The following ENTHD1 variants were observed in gnomAD, a reference collection of about 807,000 sequenced individuals.
ENTHD1 encodes the protein ENTH domain containing 1.
A neutral mutation model predicts 39.1 loss-of-function variants in ENTHD1; 23 were observed. The observed-to-expected ratio is 0.59, with a 90% CI of 0.42 to 0.83. The LOEUF (loss-of-function observed/expected upper bound fraction) is 0.83. Ranked by LOEUF, ENTHD1 falls within the 40% of genes least tolerant of loss-of-function variation. The pLI is 0.00. For missense variants in ENTHD1, 624 were observed against 705.4 expected (o/e 0.88, Z 1.31); for synonymous variants, 230 against 258.2 (o/e 0.89, Z 1.05).
intron 6 of ENTHD1, among the ~76,000 whole-genome samples, chr22:39,754,560 CTTAT>C (rs771475100): frequency 1.2e-4 from 18 of 152,236 alleles, no homozygotes; most frequent in Non-Finnish European, 2.4e-4. Context: ...CTCAATACAT[CTTAT>C]TTATTACAAA....
At chr22:39,868,734 G>A (rs1023391332) in intron 2 of ENTHD1, among the ~76,000 whole-genome samples, 1 of 152,142 alleles carries the variant, frequency 6.6e-6, no homozygotes. Flanking sequence ...TCTGACAAAG[G>A]TCTGATATTC....
intron 5 of ENTHD1, among the ~76,000 whole-genome samples, chr22:39,809,312 C>A (rs2065667820): frequency 6.6e-6 from 1 of 152,142 alleles, no homozygotes; most frequent in Non-Finnish European, 1.5e-5. Flanking sequence ...CTACTCCTTC[C>A]TAAATCAGAC....
At chr22:39,852,739 A>G (rs1369839476) in intron 3 of ENTHD1, among the ~76,000 whole-genome samples, 1 of 152,244 alleles carries the variant, frequency 6.6e-6, no homozygotes, top group African/African-American at 2.4e-5. Flanking sequence ...ATCTAAACAT[A>G]GAAAAGGTAC....
chr22:39,804,086 C>T (rs1028808209), intron 5 of ENTHD1, among the ~76,000 whole-genome samples: 2 of 152,002 alleles, frequency 1.3e-5, no homozygotes, highest in African/African-American at 4.8e-5. Context: ...ATCCCTTGAG[C>T]CTGAGAGGTT....
At position 39,790,582 on chromosome 22, in the gene ENTHD1, A is replaced by G. The variant is rs552716983; in HGVS notation, c.833-24973T>C. ...GACAGTTCTCTCCTACATAACTCAC[A>G]TCTGTGCAGCCCTTGCTTTGACCAG... On this transcript the variant is annotated intron_variant, in intron 5 of 6. Transcript: ENST00000325157. Among the ~76,000 whole-genome samples the G allele has an allele frequency of 2.0e-5, 3 of 152,286 alleles. No individual in the cohort carries two copies. The South Asian group carries it at 6.2e-4, about 32-fold the overall frequency.
At chr22:39,837,173 T>A (rs921378280) in intron 3 of ENTHD1, among the ~76,000 whole-genome samples, 1 of 152,190 alleles carries the variant, frequency 6.6e-6, no homozygotes, top group African/African-American at 2.4e-5. Context: ...TATCTCAGCA[T>A]ATCATTGGGC....
chr22:39,875,710 G>A (rs1784947207), intron 2 of ENTHD1: 10 of 1,612,410 alleles, frequency 6.2e-6, no homozygotes, highest in Non-Finnish European at 8.5e-6. Context: ...TTTCCAGCAT[G>A]AGTGCTTCTG....
chr22:39,748,266 AG>A (rs2065122288), intron 6 of ENTHD1, among the ~76,000 whole-genome samples: 2 of 151,554 alleles, frequency 1.3e-5, no homozygotes, highest in Admixed American at 6.6e-5. Context: ...AAAAAAAAAA[AG>A]ATTCTAGGAC....
chr22:39,811,911 G>A (rs1161447543), intron 5 of ENTHD1, among the ~76,000 whole-genome samples: 3 of 151,886 alleles, frequency 2.0e-5, no homozygotes, highest in Non-Finnish European at 4.4e-5. Context: ...CCCGGGAGGC[G>A]CAGCTTGCAG....
chr22:39,892,999 A>C lies in ENTHD1; in HGVS notation c.-156+696T>G, dbSNP rs546555822. Among the ~76,000 whole-genome samples, 93 of 152,318 alleles carry C rather than the reference A, an allele frequency of 6.1e-4. 2 individuals carry two copies. The highest frequency in any genetic ancestry group is 6.0e-4 in the Non-Finnish European group (41 of 68,036). On this transcript the variant is annotated intron_variant, in intron 1 of 6. Transcript: ENST00000325157. The stretch of plus-strand genomic sequence containing the variant: ...CAGAGCTTACCATGTGGCAGGCTCC[A>C]TTCTAGGAAATGGAGAAACAGGTGC...
chr22:39,890,121 A>C (rs1352019906), intron 1 of ENTHD1, among the ~76,000 whole-genome samples: 1 of 149,888 alleles, frequency 6.7e-6, no homozygotes, highest in Admixed American at 6.7e-5. Context: ...TAAATAAATA[A>C]ATAAATAAAT....
In ENTHD1 at chr22:39,765,206, G is replaced by A; in HGVS notation, c.1219+17C>T. 7.7e-6 allele frequency: 12 copies of A among 1,563,490 alleles called. No individual in the cohort carries two copies. Among genetic ancestry groups the A allele is most frequent in the Non-Finnish European group, 1.0e-5 (12 of 1,154,324 alleles). On this transcript the variant is annotated intron_variant, in intron 6 of 6. Transcript: ENST00000325157. ...TGTGTGTGTGTGTGTGTGTGTGTGTGTGTTTGGCAGACTCACCCCGTGTGG... is the reference window on the plus strand; with the variant it reads ...TGTGTGTGTGTGTGTGTGTGTGTGTATGTTTGGCAGACTCACCCCGTGTGG...
At chr22:39,829,862 T>G (rs1461352782) in intron 4 of ENTHD1, among the ~76,000 whole-genome samples, 2 of 151,858 alleles carry the variant, frequency 1.3e-5, no homozygotes, top group Non-Finnish European at 2.9e-5. Context: ...TCTTTAAATT[T>G]TATTTATTTA....
At chr22:39,883,437 A>G (rs1842969643) in intron 2 of ENTHD1, among the ~76,000 whole-genome samples, 1 of 152,134 alleles carries the variant, frequency 6.6e-6, no homozygotes, top group Admixed American at 6.5e-5. Flanking sequence ...CTCGACAACT[A>G]GGAATAGAAG....
chr22:39,848,943 T>C (rs2066013401), intron 3 of ENTHD1, among the ~76,000 whole-genome samples: 1 of 152,158 alleles, frequency 6.6e-6, no homozygotes. Context: ...ATTATCCGAG[T>C]ATTATTTATT....
At chr22:39,875,861 G>A (rs1417395432) in intron 2 of ENTHD1, 3 of 1,613,816 alleles carry the variant, frequency 1.9e-6, no homozygotes, top group Non-Finnish European at 1.7e-6. Context: ...AGCTGCAGTT[G>A]AATTATCACA....
intron 6 of ENTHD1, among the ~76,000 whole-genome samples, chr22:39,756,423 C>T (rs2065186704): frequency 6.6e-6 from 1 of 151,996 alleles, no homozygotes; most frequent in Non-Finnish European, 1.5e-5. Context: ...CAACCTCCGC[C>T]TCCCAGGTTC....
At chr22:39,792,310 C>T (rs1330223638) in intron 5 of ENTHD1, among the ~76,000 whole-genome samples, 2 of 152,096 alleles carry the variant, frequency 1.3e-5, no homozygotes, top group East Asian at 3.9e-4. Context: ...GGAATCGCCA[C>T]ACTGTCTTCC....
intron 4 of ENTHD1, among the ~76,000 whole-genome samples, chr22:39,829,995 C>T (rs2146666430): frequency 6.6e-6 from 1 of 152,190 alleles, no homozygotes; most frequent in South Asian, 2.1e-4. Context: ...ATCCTCCTGC[C>T]TTAGGCTCCC....
Sources: allele counts gnomAD v4.1 joint callset (sites outside exome capture counted in the v4.1 genomes callset), GRCh38; gene constraint gnomAD v4.1.1; transcripts MANE v1.5; gene names NCBI Gene and HGNC (gene_info 2026-07-23, HGNC 2026-07-21).